The following NUMA1 variants were observed in gnomAD, a reference collection of about 807,000 sequenced individuals.
NUMA1 encodes nuclear mitotic apparatus protein 1, also known as SP-H antigen.
NUMA1 carries 62 observed loss-of-function variants against 237.1 expected under a neutral mutation model. The observed-to-expected ratio is 0.26, with a 90% CI of 0.21 to 0.32. The LOEUF is 0.32. Among genes scored for constraint, NUMA1 ranks in the 10% least tolerant of loss-of-function variants. The pLI is 1.00. For synonymous variants in NUMA1, 1,028 were observed against 1,066.1 expected (o/e 0.96, Z 0.70); for missense variants, 2,533 against 2,666.5 (o/e 0.95, Z 1.10).
intron 2 of NUMA1, among the ~76,000 whole-genome samples, chr11:72,062,110 A>G (rs543048189): frequency 2.0e-5 from 3 of 152,180 alleles, no homozygotes; most frequent in Middle Eastern, 3.2e-3. Flanking sequence ...GATCCTGGCC[A>G]TGAAAGAAGT....
At chr11:72,019,471 A>G in intron 9 of NUMA1, 23 bp downstream of exon 9, 1 of 1,610,024 alleles carries the variant, frequency 6.2e-7, no homozygotes, top group Non-Finnish European at 8.5e-7. Flanking sequence ...GCCCTATCCC[A>G]GGAGGAGAGG....
intron 2 of NUMA1, among the ~76,000 whole-genome samples, chr11:72,060,850 C>G (rs1942901312): frequency 6.6e-6 from 1 of 152,106 alleles, no homozygotes; most frequent in Non-Finnish European, 1.5e-5. Flanking sequence ...GCGGGCGGAT[C>G]ACGAGGTCAG....
At chr11:72,054,799 G>A (rs1469340150) in intron 2 of NUMA1, among the ~76,000 whole-genome samples, 7 of 152,200 alleles carry the variant, frequency 4.6e-5, no homozygotes, top group African/African-American at 1.2e-4. Context: ...ATGATTTGGG[G>A]TTAGAGATAA....
At chr11:72,077,599 G>T (rs549821235) in intron 1 of NUMA1, among the ~76,000 whole-genome samples, 1 of 152,234 alleles carries the variant, frequency 6.6e-6, no homozygotes, top group Admixed American at 6.5e-5. Flanking sequence ...AGGATCACAA[G>T]GTCAGGGGAT....
intron 10 of NUMA1, 111 bp downstream of exon 10, chr11:72,018,712 C>G: frequency 7.4e-7 from 1 of 1,358,034 alleles, no homozygotes; most frequent in Non-Finnish European, 1.0e-6. Context: ...GACCACAGGC[C>G]CAGGGCTGAG....
chr11:72,014,058 T>G lies in NUMA1; in HGVS notation c.3445A>C (p.Ser1149Arg). ...CGGGAGGCCCGCTCAGCCTCGAGGC[T>G]GCGTTCCAGGCTGTCAGCCTGCTCC... is the stretch of plus-strand genomic sequence containing the variant. Reference protein sequence around the residue: ...QQEQADSLERSLEAERASRAE... With the variant: ...QQEQADSLERRLEAERASRAE... Residue 1149 changes from serine (S) to arginine (R), a missense_variant, in exon 15 of 27, where the codon AGC becomes CGC. By Grantham distance (110) the Ser-to-Arg change is moderately radical. Around this residue, in one of 3 missense-constraint regions of NUMA1, gnomAD observed 1,414 missense variants for 1,508.1 expected, o/e 0.94. Transcript: ENST00000393695. The surrounding 1 kb of genome is among the most constrained non-coding windows in gnomAD (Gnocchi z 4.6). The G allele has an allele frequency of 6.2e-7, 1 of 1,610,950 alleles. No homozygotes were observed. The highest frequency in any genetic ancestry group is 8.5e-7 in the Non-Finnish European group (1 of 1,180,004).
At chr11:72,039,767 TC>T (rs1941450497) in intron 2 of NUMA1, 1 of 152,198 alleles carries the variant, frequency 6.6e-6, no homozygotes, top group Non-Finnish European at 1.5e-5. Flanking sequence ...GCCTAAGAAT[TC>T]CATGCTCTGT....
rs1032841362 is a variant in NUMA1 at position 72,069,850 on chromosome 11, G to A, written c.-41C>T. ...AAACCATTTTGACTTACCTCCTGGTGGAAGCCTCCACACACTAGAACAGGG... is the reference window on the plus strand; with the variant it reads ...AAACCATTTTGACTTACCTCCTGGTAGAAGCCTCCACACACTAGAACAGGG... On this transcript the variant is annotated 5_prime_UTR_variant, in exon 2 of 27. Coordinates refer to ENST00000393695, the MANE Select transcript of NUMA1 (RefSeq NM_006185.4). 1 of 152,172 alleles carries A rather than the reference G, an allele frequency of 6.6e-6. No individual in the cohort carries two copies. The highest frequency in any genetic ancestry group is 2.4e-5 in the African/African-American group (1 of 41,398). 9.4% of individuals were successfully genotyped at this position (152,172 alleles called of 1,614,324 possible).
intron 17 of NUMA1, 85 bp from the exon 18 acceptor site, chr11:72,009,472 G>A (rs1041936387): frequency 3.3e-6 from 5 of 1,493,470 alleles, no homozygotes; most frequent in Non-Finnish European, 3.6e-6. Flanking sequence ...GGCTCCACAG[G>A]TGCTTCAGAC....
intron 2 of NUMA1, among the ~76,000 whole-genome samples, chr11:72,044,149 T>A (rs1216952127): frequency 6.6e-6 from 1 of 152,122 alleles, no homozygotes; most frequent in East Asian, 1.9e-4. Flanking sequence ...TTTGCCAAGA[T>A]CACATAGCAA....
At position 72,005,191 on chromosome 11, in the gene NUMA1, G is replaced by A. The variant is rs1169019748; in HGVS notation, c.5829+42C>T. 5.9e-6 allele frequency: 9 copies of A among 1,531,666 alleles called. No homozygotes were observed. The South Asian group carries it at 8.8e-5, about 15-fold the overall frequency. 94.9% of individuals were successfully genotyped at this position (1,531,666 alleles called of 1,614,324 possible). A position where few individuals can be genotyped will look rare whatever the true frequency, so the allele number is the denominator to read the frequency against. On this transcript the variant is annotated intron_variant, in intron 23 of 26. Transcript: ENST00000393695. The stretch of plus-strand genomic sequence containing the variant: ...GATCAGCAGGTGGGATTCCAAGGGA[G>A]GGCAGGGATGGGAGGCCCTGCACAG...
intron 2 of NUMA1, chr11:72,049,565 A>ATATATATATATATATATATATATG (rs1232488803): frequency 0.01 from 185 of 18,242 alleles, 33 homozygotes; most frequent in Middle Eastern, 0.056. Flanking sequence ...ATAATAATAT[A>ATATATATATATATATATATATATG]TATATATATA....
Position 72,014,466 on chromosome 11 carries a change from G to A in NUMA1, c.3037C>T (p.Arg1013Trp), listed in dbSNP as rs372578021. Residue 1013 changes from arginine (R) to tryptophan (W), a missense_variant, in exon 15 of 27, where the codon CGG becomes TGG. Arg to Trp is a moderately radical substitution (Grantham distance 101, BLOSUM62 -3). Coordinates refer to ENST00000393695, the MANE Select transcript of NUMA1 (RefSeq NM_006185.4). The surrounding 1 kb of genome is among the most constrained non-coding windows in gnomAD (Gnocchi z 4.6). Reference protein sequence around the residue: ...EREVARLTQERGRAQADLALE... With the variant: ...EREVARLTQEWGRAQADLALE... ...GCAAGGTCAGCCTGGGCACGGCCCC[G>A]CTCCTGGGTCAGCCGCGCCACCTCC... is the stretch of plus-strand genomic sequence containing the variant. 3.4e-5 allele frequency: 55 copies of A among 1,603,502 alleles called. No homozygotes were observed. The highest frequency in any genetic ancestry group is 4.2e-5 in the Non-Finnish European group (50 of 1,179,988).
chr11:72,021,006 AAGG>A, intron 8 of NUMA1, 195 bp downstream of exon 8: 1 of 558,674 alleles, frequency 1.8e-6, no homozygotes, highest in South Asian at 2.6e-5. Flanking sequence ...GCCAGGCAGC[AAGG>A]AGGAGCTCCA....
At chr11:72,073,373 C>T (rs1305254368) in intron 1 of NUMA1, among the ~76,000 whole-genome samples, 1 of 151,506 alleles carries the variant, frequency 6.6e-6, no homozygotes, top group Non-Finnish European at 1.5e-5. Flanking sequence ...AGCACACTCT[C>T]AGTAAACCAT....
At chr11:72,008,916 CAG>C (rs1955944837) in intron 19 of NUMA1, 49 bp downstream of exon 19, 1 of 1,612,498 alleles carries the variant, frequency 6.2e-7, no homozygotes, top group Non-Finnish European at 8.5e-7. Flanking sequence ...GGAGAGGGCA[CAG>C]GGGTCCAGTG....
intron 7 of NUMA1, among the ~76,000 whole-genome samples, chr11:72,021,651 A>G (rs1322029635): frequency 6.6e-6 from 1 of 152,254 alleles, no homozygotes; most frequent in Admixed American, 6.5e-5. Flanking sequence ...TCTGTCACCC[A>G]GGCTGGAGTA....
intron 1 of NUMA1, among the ~76,000 whole-genome samples, chr11:72,075,348 CCTT>C (rs1229771591): frequency 1.3e-5 from 2 of 152,192 alleles, no homozygotes; most frequent in African/African-American, 4.8e-5. Context: ...GGGACTTCCT[CCTT>C]CTTGTAGCCT....
At position 72,024,403 on chromosome 11, in the gene NUMA1, C is replaced by T. The variant is rs201823566; in HGVS notation, c.129-50G>A. 56 of 1,512,310 alleles carry T rather than the reference C, an allele frequency of 3.7e-5. No homozygotes were observed. In the African/African-American group the frequency reaches 7.4e-4, roughly 20 times the overall value. The allele number at this position is 1,512,310 out of a possible 1,614,324, so 93.7% of individuals were successfully genotyped here. On this transcript the variant is annotated intron_variant, in intron 4 of 26. Coordinates refer to ENST00000393695, the MANE Select transcript of NUMA1 (RefSeq NM_006185.4). ...CCAGAGTATTCAGCAATCTTTGCCT[C>T]CTTGCTGCTGCATTTCATAGTACCT...
Sources: gnomAD v4.1 joint callset for allele counts (sites outside exome capture counted in the v4.1 genomes callset) on GRCh38, gnomAD v4.1.1 for gene constraint, gnomAD v4.1.1 regional missense constraint, Gnocchi (gnomAD v3.1) non-coding constraint, MANE v1.5 for transcripts, NCBI Gene and HGNC (gene_info 2026-07-23, HGNC 2026-07-21) for gene names.